RTF1: variants seen among roughly 807,000 people sequenced by gnomAD.
RTF1 encodes the protein RNA polymerase-associated protein RTF1 homolog.
Under a neutral mutation model 95.7 loss-of-function variants are expected in RTF1, and 10 were observed. The ratio of observed to expected loss-of-function variants is 0.10; its 90% confidence interval spans 0.06 to 0.18. The LOEUF is 0.18. Ranked by LOEUF, RTF1 falls within the 10% of genes least tolerant of loss-of-function variation. The pLI is 1.00. For synonymous variants in RTF1, 305 were observed against 311.8 expected, an observed-to-expected ratio of 0.98 and a Z score of 0.23; for missense variants, 458 against 875.6, an observed-to-expected ratio of 0.52 and a Z score of 6.02.
At chr15:41,465,364 A>G (rs1391359252) in intron 5 of RTF1, among the ~76,000 whole-genome samples, 2 of 152,090 alleles carry the variant, frequency 1.3e-5, no homozygotes, top group Admixed American at 1.3e-4. Flanking sequence ...GCAGCCCTCA[A>G]CTGCAGTGAC....
intron 2 of RTF1, among the ~76,000 whole-genome samples, chr15:41,444,205 A>G (rs2050749418): frequency 6.6e-6 from 1 of 152,214 alleles, no homozygotes. Context: ...CAGGAGGTCA[A>G]GGGTGCAGTG....
chr15:41,460,998 C>G (rs1349028439), intron 4 of RTF1, among the ~76,000 whole-genome samples: 5 of 151,468 alleles, frequency 3.3e-5, no homozygotes, highest in Admixed American at 3.3e-4. Context: ...GCCTCAGCCT[C>G]CTGTGTAGCT....
At position 41,481,600 on chromosome 15, in the gene RTF1, G is replaced by C. The variant is rs1038361550; in HGVS notation, c.*913G>C. The C allele has an allele frequency of 2.6e-5, 4 of 152,466 alleles. No homozygotes were observed. The highest frequency in any genetic ancestry group is 9.7e-5 in the African/African-American group (4 of 41,434). The allele number at this position is 152,466 out of a possible 1,614,324, so 9.4% of individuals were successfully genotyped here. On this transcript the variant is annotated 3_prime_UTR_variant, in exon 18 of 18. Transcript: ENST00000389629. The stretch of plus-strand genomic sequence containing the variant: ...GGGAAGCCCATGGCCAGGTACCAGG[G>C]AGGGCAGTGAATGTCTTGCTCTTCC...
chr15:41,428,911 A>G (rs1303089174), intron 1 of RTF1, among the ~76,000 whole-genome samples: 2 of 151,852 alleles, frequency 1.3e-5, no homozygotes, highest in Non-Finnish European at 2.9e-5. Flanking sequence ...TACTTTTTGT[A>G]TTTTTAGTAG....
intron 1 of RTF1, among the ~76,000 whole-genome samples, chr15:41,435,465 G>A (rs532342784): frequency 2.0e-5 from 3 of 151,712 alleles, no homozygotes; most frequent in East Asian, 1.9e-4. Flanking sequence ...GTAGACCACC[G>A]TGCCCAGTTT....
chr15:41,423,839 G>A (rs1447890033), intron 1 of RTF1, among the ~76,000 whole-genome samples: 2 of 151,900 alleles, frequency 1.3e-5, no homozygotes, highest in African/African-American at 4.8e-5. Context: ...TGCCACCTCC[G>A]CTTCCCGGGT....
chr15:41,423,694 T>C (rs1362617259), intron 1 of RTF1, among the ~76,000 whole-genome samples: 1 of 152,032 alleles, frequency 6.6e-6, no homozygotes, highest in Non-Finnish European at 1.5e-5. Flanking sequence ...GTGAGGCTTT[T>C]AGGAAAAATA....
intron 1 of RTF1, among the ~76,000 whole-genome samples, chr15:41,426,407 G>A (rs1483670917): frequency 6.6e-6 from 1 of 151,884 alleles, no homozygotes; most frequent in East Asian, 2.0e-4. Context: ...CTGGATTCAA[G>A]CGATTCTTCT....
chr15:41,459,699 A>G (rs1264229332), intron 4 of RTF1, among the ~76,000 whole-genome samples: 1 of 152,218 alleles, frequency 6.6e-6, no homozygotes, highest in East Asian at 1.9e-4. Context: ...CTCATTATGT[A>G]CAAGTTAGGT....
intron 1 of RTF1, among the ~76,000 whole-genome samples, chr15:41,420,851 T>C (rs1240832089): frequency 6.6e-6 from 1 of 152,142 alleles, no homozygotes; most frequent in East Asian, 1.9e-4. Flanking sequence ...TGAATCAGAC[T>C]CTCAGGGGAT....
chr15:41,429,153 G>C (rs964687406), intron 1 of RTF1, among the ~76,000 whole-genome samples: 5 of 151,980 alleles, frequency 3.3e-5, no homozygotes, highest in Non-Finnish European at 7.4e-5. Flanking sequence ...CCAAAGTACT[G>C]GGATTACAGG....
chr15:41,455,442 C>T (rs575112958), intron 3 of RTF1, among the ~76,000 whole-genome samples: 71 of 152,162 alleles, frequency 4.7e-4, no homozygotes, highest in African/African-American at 1.5e-3. Context: ...AACTAAGGAA[C>T]GGAAAACCAA....
At chr15:41,448,561 A>G (rs1347865245) in intron 2 of RTF1, among the ~76,000 whole-genome samples, 1 of 151,844 alleles carries the variant, frequency 6.6e-6, no homozygotes, top group Non-Finnish European at 1.5e-5. Context: ...TCTACTAAAA[A>G]TACAAAAATT....
intron 14 of RTF1, 134 bp from the exon 15 acceptor site, chr15:41,478,414 A>G: frequency 1.4e-6 from 1 of 731,366 alleles, no homozygotes; most frequent in Non-Finnish European, 2.3e-6. Flanking sequence ...AAAAATTAAA[A>G]AAAAAAAAAA....
Position 41,482,857 on chromosome 15 carries a change from T to C in RTF1, c.*2170T>C, listed in dbSNP as rs527242896. 8 of 152,056 alleles carry C rather than the reference T, an allele frequency of 5.3e-5. No homozygotes were observed. The highest frequency in any genetic ancestry group is 1.2e-4 in the Non-Finnish European group (8 of 67,910). The allele number at this position is 152,056 out of a possible 1,614,324, so 9.4% of individuals were successfully genotyped here. A position where few individuals can be genotyped will look rare whatever the true frequency, so the allele number is the denominator to read the frequency against. On this transcript the variant is annotated 3_prime_UTR_variant, in exon 18 of 18. Transcript: ENST00000389629. ...TCTGGTTTTAAAAAACATAAAATTA[T>C]AGAATCCAGATAATTCGCTGGAGTC...
At chr15:41,452,675 A>G (rs921285065) in intron 2 of RTF1, among the ~76,000 whole-genome samples, 3 of 152,178 alleles carry the variant, frequency 2.0e-5, no homozygotes, top group African/African-American at 7.2e-5. Flanking sequence ...CAGAGGTTGC[A>G]GTGAACCAAG....
At position 41,477,112 on chromosome 15, in the gene RTF1, T is replaced by A. The variant is rs148796429; in HGVS notation, c.1561-53T>A. On this transcript the variant is annotated intron_variant, in intron 12 of 17. Transcript: ENST00000389629. ...GCTGGAAGTAAGGGGATACTTGATA[T>A]GGAGTCAGTTGTATGTAGCCAAGAA... 51 of 1,611,898 alleles carry A rather than the reference T, an allele frequency of 3.2e-5. No homozygotes were observed. The Admixed American group carries it at 7.8e-4, about 25-fold the overall frequency.
intron 1 of RTF1, among the ~76,000 whole-genome samples, chr15:41,436,444 G>T (rs1225601904): frequency 2.8e-5 from 4 of 141,942 alleles, no homozygotes; most frequent in Non-Finnish European, 4.6e-5. Context: ...GTGACAGAGC[G>T]AGACTCCGTC....
At chr15:41,433,498 C>A (rs1781516379) in intron 1 of RTF1, among the ~76,000 whole-genome samples, 1 of 151,970 alleles carries the variant, frequency 6.6e-6, no homozygotes, top group African/African-American at 2.4e-5. Context: ...CCATGCCCAG[C>A]TGATTTTTGT....
Sources: allele counts gnomAD v4.1 joint callset (sites outside exome capture counted in the v4.1 genomes callset), GRCh38; gene constraint gnomAD v4.1.1; transcripts MANE v1.5; gene names NCBI Gene and HGNC (gene_info 2026-07-23, HGNC 2026-07-21).